NCOA2: variants seen among roughly 807,000 people sequenced by gnomAD.
NCOA2 encodes the protein nuclear receptor coactivator 2, also known as class E basic helix-loop-helix protein 75.
In NCOA2, 21 loss-of-function variants were observed where a neutral mutation model predicts 145.1. The ratio of observed to expected loss-of-function variants is 0.14; its 90% CI spans 0.10 to 0.21. The LOEUF is 0.21. NCOA2 is among the 10% of genes least tolerant of loss of function. The pLI, the probability that NCOA2 is intolerant of heterozygous loss-of-function variation, is 1.00. For missense variants in NCOA2, 1,472 were observed against 1,837.6 expected, an observed-to-expected ratio of 0.80 and a Z score of 3.64; for synonymous variants, 619 against 637.5, an observed-to-expected ratio of 0.97 and a Z score of 0.44.
intron 4 of NCOA2, 97 bp from the exon 5 acceptor site, chr8:70,174,956 G>T: frequency 8.9e-7 from 1 of 1,121,094 alleles, no homozygotes; most frequent in Non-Finnish European, 1.3e-6. Flanking sequence ...AAAATCTCTA[G>T]TGGGATCAGA....
At chr8:70,422,827 CT>C in the NCOA2 span, among the ~76,000 whole-genome samples, 3 of 151,890 alleles carry the variant, frequency 2.0e-5, no homozygotes, top group Non-Finnish European at 4.4e-5. Context: ...TGATTTTTCA[CT>C]ATCATATCTT....
chr8:70,152,784 G>A (rs182762098), intron 11 of NCOA2, among the ~76,000 whole-genome samples: 1 of 152,310 alleles, frequency 6.6e-6, no homozygotes, highest in Non-Finnish European at 1.5e-5. Flanking sequence ...AGTACTTCCT[G>A]TCATTAATAA....
intron 11 of NCOA2, among the ~76,000 whole-genome samples, chr8:70,149,034 T>C (rs1042800713): frequency 1.1e-4 from 16 of 152,098 alleles, no homozygotes; most frequent in African/African-American, 3.4e-4. Flanking sequence ...CAAAATAAGC[T>C]TGAAGCATCC....
At chr8:70,272,527 C>T (rs951427573) in intron 2 of NCOA2, among the ~76,000 whole-genome samples, 1 of 151,904 alleles carries the variant, frequency 6.6e-6, no homozygotes, top group African/African-American at 2.4e-5. Context: ...TTTTCTTACC[C>T]CACAGCAGTC....
At chr8:70,242,149 C>T (rs1412354101) in intron 2 of NCOA2, among the ~76,000 whole-genome samples, 1 of 152,074 alleles carries the variant, frequency 6.6e-6, no homozygotes, top group African/African-American at 2.4e-5. Context: ...GCTTTTATGA[C>T]TATTCTAGCC....
chr8:70,245,713 T>C lies in NCOA2; in HGVS notation c.-19-28949A>G, dbSNP rs368745468. ...ATGAAAATATAATTTCTAGATCTGC[T>C]GCTAAAAATAAATGCTCAAAACAAA... On this transcript the variant is annotated intron_variant, in intron 2 of 22. Transcript: ENST00000452400. 6.6e-5 allele frequency among the ~76,000 whole-genome samples: 10 copies of C among 152,250 alleles called. No individual in the cohort carries two copies. In the East Asian group the frequency reaches 1.2e-3, roughly 18 times the overall value.
chr8:70,228,433 G>A (rs1400899227), intron 2 of NCOA2, among the ~76,000 whole-genome samples: 3 of 152,198 alleles, frequency 2.0e-5, no homozygotes, highest in African/African-American at 7.2e-5. Context: ...AGCTGCCAGT[G>A]GAGGGTTTTC....
the NCOA2 span, among the ~76,000 whole-genome samples, chr8:70,433,531 A>C: frequency 3.9e-5 from 6 of 152,184 alleles, no homozygotes; most frequent in African/African-American, 1.4e-4. Flanking sequence ...AAAAATGTAG[A>C]GTGTGAGTGG....
the NCOA2 span, among the ~76,000 whole-genome samples, chr8:70,436,407 C>T: frequency 6.6e-6 from 1 of 152,218 alleles, no homozygotes; most frequent in Non-Finnish European, 1.5e-5. Flanking sequence ...CAGGATCACA[C>T]AGCATTCCTA....
At chr8:70,387,997 G>A (rs1812827670) in intron 1 of NCOA2, among the ~76,000 whole-genome samples, 1 of 152,188 alleles carries the variant, frequency 6.6e-6, no homozygotes, top group African/African-American at 2.4e-5. Flanking sequence ...CTGGCTTTGC[G>A]TCTTCCTAGC....
chr8:70,272,856 AAAGT>A (rs1422706248), intron 2 of NCOA2, among the ~76,000 whole-genome samples: 4 of 151,222 alleles, frequency 2.6e-5, no homozygotes, highest in African/African-American at 9.7e-5. Flanking sequence ...AAACACTTAT[AAAGT>A]AATAATTTAA....
At chr8:70,427,920 AC>A in the NCOA2 span, among the ~76,000 whole-genome samples, 2 of 152,174 alleles carry the variant, frequency 1.3e-5, no homozygotes, top group African/African-American at 4.8e-5. Context: ...TATTTTAGTT[AC>A]GTATGGATAA....
chr8:70,132,031 C>T (rs747206126), intron 15 of NCOA2, 29 bp from the exon 16 acceptor site: 6 of 1,598,650 alleles, frequency 3.8e-6, no homozygotes, highest in Admixed American at 3.4e-5. Flanking sequence ...CACCTTGGGC[C>T]AATGGAAAAG....
At chr8:70,177,254 T>A (rs1170911224) in intron 4 of NCOA2, among the ~76,000 whole-genome samples, 1 of 152,172 alleles carries the variant, frequency 6.6e-6, no homozygotes, top group East Asian at 1.9e-4. Context: ...AAGGTCTGCT[T>A]TGCTGAGATT....
chr8:70,425,416 C>A, the NCOA2 span, among the ~76,000 whole-genome samples: 1 of 151,952 alleles, frequency 6.6e-6, no homozygotes, highest in Non-Finnish European at 1.5e-5. Context: ...CCCCACCCAG[C>A]CCCTCCCTTC....
At chr8:70,344,347 A>G (rs906939365) in intron 1 of NCOA2, among the ~76,000 whole-genome samples, 7 of 152,312 alleles carry the variant, frequency 4.6e-5, no homozygotes, top group Admixed American at 1.3e-4. Flanking sequence ...TAAGGAACAG[A>G]GTGTGCGGGG....
intron 4 of NCOA2, among the ~76,000 whole-genome samples, chr8:70,177,090 C>T (rs1563573146): frequency 1.3e-5 from 2 of 152,214 alleles, no homozygotes; most frequent in African/African-American, 4.8e-5. Flanking sequence ...GCCTTTCCTT[C>T]GCCTAACTAT....
intron 1 of NCOA2, among the ~76,000 whole-genome samples, chr8:70,318,299 G>A (rs564076100): frequency 5.3e-5 from 8 of 152,324 alleles, no homozygotes; most frequent in East Asian, 1.9e-4. Context: ...GCATTCAGGC[G>A]GTTATTTTGA....
Position 70,321,793 on chromosome 8 carries a change from CTTTTTT to C in NCOA2, c.-76-24999_-76-24994del, listed in dbSNP as rs559680322. 2.0e-4 allele frequency among the ~76,000 whole-genome samples: 15 copies of C among 73,566 alleles called. No individual in the cohort carries two copies. In the East Asian group the frequency reaches 4.8e-3, roughly 24 times the overall value. 48.3% of individuals were successfully genotyped at this position (73,566 alleles called of 152,430 possible). A position where few individuals can be genotyped will look rare whatever the true frequency, so the allele number is the denominator to read the frequency against. On this transcript the variant is annotated intron_variant, in intron 1 of 22. Coordinates refer to ENST00000452400, the MANE Select transcript of NCOA2 (RefSeq NM_006540.4). ...TGCTTTCCTAAGTTTCAGAATATAC[CTTTTTT>C]TTTTTTTTTTTTTTTTTTTTTTGGT...
Sources: allele counts gnomAD v4.1 joint callset (sites outside exome capture counted in the v4.1 genomes callset), GRCh38; gene constraint gnomAD v4.1.1; transcripts MANE v1.5; gene names NCBI Gene and HGNC (gene_info 2026-07-23, HGNC 2026-07-21).